DCC: variants seen among roughly 807,000 people sequenced by gnomAD.
DCC encodes the protein DCC netrin 1 receptor.
A neutral mutation model predicts 172.5 loss-of-function variants in DCC; 58 were observed. The observed-to-expected ratio is 0.34, with a 90% confidence interval of 0.27 to 0.42. The LOEUF (loss-of-function observed/expected upper bound fraction) is 0.42. Ranked by LOEUF, DCC falls within the 10% of genes least tolerant of loss-of-function variation. The pLI is 1.00. For missense variants in DCC, 1,740 were observed against 1,791.0 expected (o/e 0.97, Z 0.51); for synonymous variants, 709 against 644.5 (o/e 1.10, Z -1.52).
chr18:53,188,207 A>G (rs1449308847), intron 9 of DCC, among the ~76,000 whole-genome samples: 1 of 152,172 alleles, frequency 6.6e-6, no homozygotes, highest in Non-Finnish European at 1.5e-5. Context: ...TGGGGACCAG[A>G]GCTTTTAAGG....
At chr18:52,397,427 C>T (rs548168873) in intron 1 of DCC, among the ~76,000 whole-genome samples, 5 of 152,030 alleles carry the variant, frequency 3.3e-5, no homozygotes, top group Admixed American at 6.6e-5. Context: ...GGGGAGCATT[C>T]GCTGACTGCA....
chr18:52,415,883 T>G (rs1987006797), intron 1 of DCC, among the ~76,000 whole-genome samples: 1 of 152,242 alleles, frequency 6.6e-6, no homozygotes, highest in Non-Finnish European at 1.5e-5. Context: ...TCAGTTCTAC[T>G]CTGATTTTAG....
intron 1 of DCC, among the ~76,000 whole-genome samples, chr18:52,406,242 C>T (rs1986646289): frequency 1.3e-5 from 2 of 150,144 alleles, no homozygotes; most frequent in African/African-American, 4.9e-5. Flanking sequence ...TAGGCATTAC[C>T]ATTCAGGACA....
intron 1 of DCC, among the ~76,000 whole-genome samples, chr18:52,589,996 C>CT (rs796786163): frequency 1.3e-5 from 2 of 152,036 alleles, no homozygotes; most frequent in African/African-American, 2.4e-5. Flanking sequence ...AAAATCTATG[C>CT]TTTTTTTTAA....
At chr18:53,375,593 A>G (rs75007381) in intron 15 of DCC, among the ~76,000 whole-genome samples, 1,945 of 149,096 alleles carry the variant, frequency 0.013, 56 homozygotes, top group African/African-American at 0.046. Context: ...TGATCATACA[A>G]TGTTACCACC....
In DCC at chr18:52,413,167, A is replaced by G. The variant is rs537175596; in HGVS notation, c.91+72289A>G. 1.5e-4 allele frequency among the ~76,000 whole-genome samples: 23 copies of G among 151,810 alleles called. No homozygotes were observed. The South Asian group carries it at 4.8e-3, about 32-fold the overall frequency. The stretch of plus-strand genomic sequence containing the variant: ...TTCTCTGTTTTAAAATAATATATCC[A>G]CATTACCCAGATGATTAGTAAGAAA... On this transcript the variant is annotated intron_variant, in intron 1 of 28. Coordinates refer to ENST00000442544, the MANE Select transcript of DCC (RefSeq NM_005215.4).
chr18:52,820,914 C>CCCT (rs1256045335), intron 2 of DCC, among the ~76,000 whole-genome samples: 5 of 152,262 alleles, frequency 3.3e-5, no homozygotes, highest in African/African-American at 1.2e-4. Context: ...TCTCCACCTT[C>CCCT]CCTGAACTCT....
chr18:53,207,506 T>G (rs1331566368), intron 10 of DCC, among the ~76,000 whole-genome samples, 173 bp from the exon 11 acceptor site: 1 of 152,118 alleles, frequency 6.6e-6, no homozygotes, highest in African/African-American at 2.4e-5. Flanking sequence ...GTCTACAGAT[T>G]AGTTGGTTTT....
chr18:52,389,007 G>T lies in DCC; in HGVS notation c.91+48129G>T, dbSNP rs146207699. Among the ~76,000 whole-genome samples the T allele has an allele frequency of 5.7e-3, 871 of 152,204 alleles. 14 individuals carry two copies. The highest frequency in any genetic ancestry group is 4.3e-3 in the Non-Finnish European group (293 of 67,994). On this transcript the variant is annotated intron_variant, in intron 1 of 28. Coordinates refer to ENST00000442544, the MANE Select transcript of DCC (RefSeq NM_005215.4). ...CATCAAAAACTATGTCTTCTGCTGG[G>T]TGTTAGTTGTGTATTCTCTGCCCAG...
chr18:52,960,818 A>G (rs2000758), intron 5 of DCC, among the ~76,000 whole-genome samples: 59,351 of 152,040 alleles, frequency 0.39, 12,142 homozygotes, highest in Non-Finnish European at 0.46. Context: ...TCAAGACCTT[A>G]TTGATGGATT....
intron 27 of DCC, among the ~76,000 whole-genome samples, chr18:53,502,636 A>G (rs1166363074): frequency 6.6e-6 from 1 of 152,186 alleles, no homozygotes; most frequent in Non-Finnish European, 1.5e-5. Context: ...AATACCTCAA[A>G]TAATTTTACT....
intron 12 of DCC, among the ~76,000 whole-genome samples, chr18:53,236,731 C>T (rs544322086): frequency 1.9e-4 from 29 of 152,160 alleles, no homozygotes; most frequent in Admixed American, 4.6e-4. Context: ...GTCTGTGATA[C>T]ACCTTGAATT....
intron 2 of DCC, among the ~76,000 whole-genome samples, chr18:52,808,674 C>A (rs2145243307): frequency 6.6e-6 from 1 of 152,266 alleles, no homozygotes; most frequent in Non-Finnish European, 1.5e-5. Flanking sequence ...CTGCCAGTGG[C>A]AGGCAGAAGT....
At chr18:52,790,508 C>T (rs955613551) in intron 2 of DCC, among the ~76,000 whole-genome samples, 6 of 152,098 alleles carry the variant, frequency 3.9e-5, no homozygotes, top group Non-Finnish European at 7.4e-5. Context: ...GTTCCCTTCC[C>T]CCTAGCTCAA....
intron 2 of DCC, among the ~76,000 whole-genome samples, chr18:52,890,129 G>T (rs1345592327): frequency 6.6e-6 from 1 of 152,126 alleles, no homozygotes; most frequent in Non-Finnish European, 1.5e-5. Context: ...TAGAAAAATA[G>T]ATTTGATTTG....
At chr18:53,240,146 T>C (rs2056271958) in intron 12 of DCC, among the ~76,000 whole-genome samples, 1 of 151,856 alleles carries the variant, frequency 6.6e-6, no homozygotes, top group Admixed American at 6.6e-5. Flanking sequence ...TTATAATTAC[T>C]ATGAAAGTTA....
intron 1 of DCC, among the ~76,000 whole-genome samples, chr18:52,395,551 G>T (rs923229850): frequency 1.3e-5 from 2 of 152,002 alleles, no homozygotes; most frequent in African/African-American, 4.8e-5. Flanking sequence ...ATTTAATCAG[G>T]AGAAGATTTA....
At chr18:52,887,391 T>C (rs2039585964) in intron 2 of DCC, among the ~76,000 whole-genome samples, 1 of 152,172 alleles carries the variant, frequency 6.6e-6, no homozygotes, top group Non-Finnish European at 1.5e-5. Context: ...TGCTGCCTAA[T>C]GCTTTATATT....
At chr18:53,067,299 T>C (rs562253284) in intron 7 of DCC, among the ~76,000 whole-genome samples, 1 of 152,216 alleles carries the variant, frequency 6.6e-6, no homozygotes, top group Non-Finnish European at 1.5e-5. Flanking sequence ...GGGGTGAGGA[T>C]GGCTTGAGAC....
Sources: gnomAD v4.1 joint callset for allele counts (sites outside exome capture counted in the v4.1 genomes callset) on GRCh38, gnomAD v4.1.1 for gene constraint, MANE v1.5 for transcripts, NCBI Gene and HGNC (gene_info 2026-07-23, HGNC 2026-07-21) for gene names.